The following SLC30A8 variants were observed in gnomAD, a reference collection of about 807,000 sequenced individuals.
The protein encoded by SLC30A8 is proton-coupled zinc antiporter SLC30A8.
SLC30A8 carries 27 observed loss-of-function variants against 36.9 expected under a neutral mutation model. That is an observed-to-expected ratio of 0.73 (90% CI 0.54 to 1.01). The LOEUF (loss-of-function observed/expected upper bound fraction) is 1.01, where lower values mean the gene tolerates loss of function less well. SLC30A8 is among the 50% of genes least tolerant of loss of function. The probability of loss-of-function intolerance (pLI) is 0.00; values close to 1 mark genes in which losing one functional copy is unlikely to be tolerated. For missense variants in SLC30A8, 439 were observed against 452.0 expected, an observed-to-expected ratio of 0.97 and a Z score of 0.26; for synonymous variants, 164 against 172.4, an observed-to-expected ratio of 0.95 and a Z score of 0.38.
chr8:116,966,147 G>C lies in SLC30A8; in HGVS notation c.-266+15028G>C, dbSNP rs571971682. Among the ~76,000 whole-genome samples the C allele has an allele frequency of 1.4e-4, 22 of 152,276 alleles. No individual in the cohort carries two copies. The South Asian group carries it at 3.9e-3, about 27-fold the overall frequency. ...AATTCGCCCGTCTCGGCCTCCCAAA[G>C]TGCTGGGATTACATTTAATTCTTAA... On this transcript the variant is annotated intron_variant, in intron 1 of 10. Transcript: ENST00000427715.
intron 2 of SLC30A8, among the ~76,000 whole-genome samples, chr8:117,039,935 C>G (rs934309182): frequency 1.3e-5 from 2 of 152,190 alleles, no homozygotes; most frequent in African/African-American, 4.8e-5. Flanking sequence ...TCTCCTCCCC[C>G]CGAGCTTTCC....
chr8:117,016,980 G>A (rs906724385), intron 1 of SLC30A8, among the ~76,000 whole-genome samples: 2 of 152,046 alleles, frequency 1.3e-5, no homozygotes, highest in African/African-American at 4.8e-5. Context: ...GAGGTTTAAG[G>A]TATAGTAAGG....
chr8:117,121,755 T>C (rs1354638057), intron 2 of SLC30A8, among the ~76,000 whole-genome samples: 1 of 151,972 alleles, frequency 6.6e-6, no homozygotes, highest in Non-Finnish European at 1.5e-5. Flanking sequence ...GGACAAATAC[T>C]GCATGATTCC....
chr8:116,961,598 G>C (rs1233651506), intron 1 of SLC30A8, among the ~76,000 whole-genome samples: 1 of 151,960 alleles, frequency 6.6e-6, no homozygotes, highest in African/African-American at 2.4e-5. Flanking sequence ...TGCTATAACA[G>C]AATACCACAG....
At chr8:117,089,216 A>G (rs1240498899) in intron 2 of SLC30A8, among the ~76,000 whole-genome samples, 1 of 152,112 alleles carries the variant, frequency 6.6e-6, no homozygotes, top group Non-Finnish European at 1.5e-5. Flanking sequence ...CTAATTACAC[A>G]ACTTTAAATA....
chr8:117,113,557 G>C (rs893596968), intron 2 of SLC30A8, among the ~76,000 whole-genome samples: 2 of 152,104 alleles, frequency 1.3e-5, no homozygotes, highest in Admixed American at 1.3e-4. Flanking sequence ...CCAGGAACTG[G>C]AATTTTATTC....
At chr8:116,962,886 T>C (rs1012068748) in intron 1 of SLC30A8, among the ~76,000 whole-genome samples, 2 of 151,964 alleles carry the variant, frequency 1.3e-5, no homozygotes, top group Admixed American at 1.3e-4. Flanking sequence ...GAGTAATTTT[T>C]GGAAACTTTC....
intron 2 of SLC30A8, among the ~76,000 whole-genome samples, chr8:117,149,314 T>C (rs1822056927): frequency 6.6e-6 from 1 of 152,218 alleles, no homozygotes; most frequent in Non-Finnish European, 1.5e-5. Flanking sequence ...AAACATGATA[T>C]GATCTTTGCA....
chr8:117,126,567 C>T (rs1820912068), intron 2 of SLC30A8, among the ~76,000 whole-genome samples: 1 of 151,762 alleles, frequency 6.6e-6, no homozygotes, highest in Admixed American at 6.6e-5. Flanking sequence ...TCCATCCATC[C>T]ATCCATCCAT....
intron 1 of SLC30A8, among the ~76,000 whole-genome samples, chr8:117,017,019 T>C (rs1816543883): frequency 1.3e-5 from 2 of 152,142 alleles, no homozygotes; most frequent in Non-Finnish European, 2.9e-5. Context: ...TGCCTGGGTT[T>C]GTATCCTGGC....
intron 1 of SLC30A8, among the ~76,000 whole-genome samples, chr8:116,957,337 C>A (rs941501530): frequency 1.3e-5 from 2 of 151,724 alleles, no homozygotes; most frequent in Non-Finnish European, 2.9e-5. Flanking sequence ...AGTGCAGTGG[C>A]GCCATCTCCT....
intron 1 of SLC30A8, among the ~76,000 whole-genome samples, chr8:116,958,841 A>ATTTTTTTTTTTTTT (rs758505118): frequency 1.7e-5 from 1 of 60,010 alleles, no homozygotes. Flanking sequence ...TGCTCTTTTC[A>ATTTTTTTTTTTTTT]TTTTTTTTTT....
chr8:117,076,786 G>A (rs1409079611), intron 2 of SLC30A8, among the ~76,000 whole-genome samples: 3 of 148,760 alleles, frequency 2.0e-5, no homozygotes, highest in Admixed American at 6.6e-5. Flanking sequence ...TTTTTTTGGC[G>A]GCACCTATTA....
At chr8:116,955,300 CCTT>C (rs1322978911) in intron 1 of SLC30A8, among the ~76,000 whole-genome samples, 1 of 152,070 alleles carries the variant, frequency 6.6e-6, no homozygotes, top group African/African-American at 2.4e-5. Context: ...TGACTAGTGT[CCTT>C]CTAAGAAGAG....
At chr8:117,051,349 A>G (rs1292702162) in intron 2 of SLC30A8, among the ~76,000 whole-genome samples, 2 of 152,190 alleles carry the variant, frequency 1.3e-5, no homozygotes. Context: ...GTGAGACAGG[A>G]TGTGTGTCCC....
intron 2 of SLC30A8, among the ~76,000 whole-genome samples, chr8:117,148,265 A>G (rs922022404): frequency 7.9e-5 from 12 of 152,036 alleles, no homozygotes; most frequent in Middle Eastern, 3.2e-3. Flanking sequence ...TTCACATTAG[A>G]TATATTGTAT....
rs190550164 is a variant in SLC30A8, at chr8:117,015,886, C to A, written c.-265-23333C>A. On this transcript the variant is annotated intron_variant, in intron 1 of 10. Coordinates refer to the SLC30A8 transcript ENST00000427715. ...GGTACATTGGGGAGAGCCACAGGGT[C>A]ATTTATTGAACATTCAGAACAATGG... 3.5e-3 allele frequency among the ~76,000 whole-genome samples: 526 copies of A among 152,214 alleles called. 3 individuals carry two copies. Among genetic ancestry groups the A allele is most frequent in the Middle Eastern group, 0.017 (5 of 294 alleles).
At chr8:117,137,055 T>TA (rs1347966061) in intron 1 of SLC30A8, among the ~76,000 whole-genome samples, 1 of 151,980 alleles carries the variant, frequency 6.6e-6, no homozygotes, top group Non-Finnish European at 1.5e-5. Context: ...GATGGCTAAT[T>TA]ACAACAGAAC....
chr8:116,976,196 G>A (rs1815000381), intron 1 of SLC30A8, among the ~76,000 whole-genome samples: 1 of 150,140 alleles, frequency 6.7e-6, no homozygotes, highest in African/African-American at 2.4e-5. Flanking sequence ...ACGCACGCCT[G>A]TAGTCCCAGC....
Sources: gnomAD v4.1 joint callset for allele counts (sites outside exome capture counted in the v4.1 genomes callset) on GRCh38, gnomAD v4.1.1 for gene constraint, MANE v1.5 for transcripts, NCBI Gene and HGNC (gene_info 2026-07-23, HGNC 2026-07-21) for gene names.